FGFR1OP2: variants seen among roughly 807,000 people sequenced by gnomAD.
The protein encoded by FGFR1OP2 is fibroblast growth factor receptor 1 oncogene partner 2.
Under a neutral mutation model 35.2 loss-of-function variants are expected in FGFR1OP2, and 17 were observed. That is an observed-to-expected ratio of 0.48 (90% CI 0.33 to 0.73). The LOEUF (loss-of-function observed/expected upper bound fraction) is 0.73, where lower values mean the gene tolerates loss of function less well. Ranked by LOEUF, FGFR1OP2 falls within the 30% of genes least tolerant of loss-of-function variation. The pLI, the probability that FGFR1OP2 is intolerant of heterozygous loss-of-function variation, is 0.02. For missense variants in FGFR1OP2, 251 were observed against 307.3 expected (o/e 0.82, Z 1.37); for synonymous variants, 105 against 104.6 (o/e 1.00, Z -0.03).
intron 1 of FGFR1OP2, among the ~76,000 whole-genome samples, chr12:26,947,999 GATTT>G (rs1204217835): frequency 6.6e-6 from 1 of 151,874 alleles, no homozygotes. Flanking sequence ...TTATTTTAGG[GATTT>G]ATTAGGAATT....
At chr12:26,944,475 A>T (rs949191705) in intron 1 of FGFR1OP2, among the ~76,000 whole-genome samples, 1 of 152,200 alleles carries the variant, frequency 6.6e-6, no homozygotes, top group Non-Finnish European at 1.5e-5. Context: ...AGTATGCGGA[A>T]TTTTTTAATA....
intron 1 of FGFR1OP2, among the ~76,000 whole-genome samples, chr12:26,952,296 T>TG (rs149535379): frequency 0.076 from 11,565 of 152,156 alleles, 546 homozygotes; most frequent in East Asian, 0.13. Context: ...TACAGGGTAT[T>TG]GTTGGGCACT....
intron 4 of FGFR1OP2, 128 bp from the exon 5 acceptor site, chr12:26,960,387 T>C: frequency 2.0e-6 from 1 of 505,814 alleles, no homozygotes; most frequent in Non-Finnish European, 3.3e-6. Context: ...TTTGAACAGA[T>C]GCCTTTTTGG....
intron 4 of FGFR1OP2, among the ~76,000 whole-genome samples, chr12:26,959,505 G>C (rs1939072068): frequency 6.6e-6 from 1 of 152,124 alleles, no homozygotes. Flanking sequence ...AAAGTGCTTA[G>C]AATAGGATAA....
chr12:26,948,395 A>G (rs1938863160), intron 1 of FGFR1OP2, among the ~76,000 whole-genome samples: 1 of 152,182 alleles, frequency 6.6e-6, no homozygotes, highest in Non-Finnish European at 1.5e-5. Context: ...ACCTTCATAT[A>G]TGAAACATAT....
At chr12:26,941,185 C>T (rs1938728663) in intron 1 of FGFR1OP2, among the ~76,000 whole-genome samples, 1 of 151,764 alleles carries the variant, frequency 6.6e-6, no homozygotes, top group African/African-American at 2.4e-5. Context: ...GTATTATGGC[C>T]AGTTAAGGTA....
intron 5 of FGFR1OP2, chr12:26,962,152 A>G (rs1939113772): frequency 6.6e-6 from 1 of 152,176 alleles, no homozygotes; most frequent in South Asian, 2.1e-4. Flanking sequence ...AAATGTATTG[A>G]TTTTAATTAA....
At position 26,960,756 on chromosome 12, in the gene FGFR1OP2, G is replaced by A. The variant is rs572511818; in HGVS notation, c.510+128G>A. ...AAATGAAATTTATTAAAAGAATGTT[G>A]TGTCTTTAATAGCCATGCTGTTCAG... On this transcript the variant is annotated intron_variant, in intron 5 of 6. Coordinates refer to ENST00000229395, the MANE Select transcript of FGFR1OP2 (RefSeq NM_015633.3). 1.3e-4 allele frequency: 174 copies of A among 1,380,410 alleles called. No homozygotes were observed. In the African/African-American group the frequency reaches 2.4e-3, roughly 19 times the overall value. 85.5% of individuals were successfully genotyped at this position (1,380,410 alleles called of 1,614,324 possible).
Position 26,957,739 on chromosome 12 carries a change from C to T in FGFR1OP2, c.392C>T (p.Ser131Phe), listed in dbSNP as rs779885131. The change falls in exon 4 of 7, where the codon TCC becomes TTC. Residue 131 changes from serine (S) to phenylalanine (F), a missense_variant. By Grantham distance (155) the Ser-to-Phe change is radical (BLOSUM62 -2). Transcript: ENST00000229395. ...GIIMKLKEQH[S>F]KIDMVHRNKS... Reference sequence around the variant, plus strand: ...ATAATGAAGTTAAAAGAGCAGCACTCCAAGGTAATCCATTCTATAAATGTG... The same window carrying T: ...ATAATGAAGTTAAAAGAGCAGCACTTCAAGGTAATCCATTCTATAAATGTG... 1 of 1,609,810 alleles carries T rather than the reference C, an allele frequency of 6.2e-7. No homozygotes were observed. The highest frequency in any genetic ancestry group is 1.1e-5 in the South Asian group (1 of 90,478).
At chr12:26,959,867 A>G (rs566757948) in intron 4 of FGFR1OP2, among the ~76,000 whole-genome samples, 1 of 152,308 alleles carries the variant, frequency 6.6e-6, no homozygotes, top group African/African-American at 2.4e-5. Flanking sequence ...TGAATGTACA[A>G]GCTTGCAGTA....
At chr12:26,951,459 A>G (rs1938927671) in intron 1 of FGFR1OP2, among the ~76,000 whole-genome samples, 1 of 152,164 alleles carries the variant, frequency 6.6e-6, no homozygotes, top group Non-Finnish European at 1.5e-5. Context: ...AGCTGGTATC[A>G]CAGGTGTGTG....
chr12:26,954,101 T>C lies in FGFR1OP2; in HGVS notation c.-14-44T>C. On this transcript the variant is annotated intron_variant, in intron 1 of 6. Coordinates refer to ENST00000229395, the MANE Select transcript of FGFR1OP2 (RefSeq NM_015633.3). ...TTGACATGAAGCTAAAATAAAGAGA[T>C]ATGTTGACTTTATTTTGAGTCTTGA... The C allele has an allele frequency of 3.7e-6, 5 of 1,359,616 alleles. 1 individual carries two copies. The highest frequency in any genetic ancestry group is 2.9e-5 in the South Asian group (2 of 70,112). 84.2% of individuals were successfully genotyped at this position (1,359,616 alleles called of 1,614,324 possible).
At chr12:26,947,619 C>G (rs1290450927) in intron 1 of FGFR1OP2, among the ~76,000 whole-genome samples, 4 of 152,114 alleles carry the variant, frequency 2.6e-5, no homozygotes, top group Non-Finnish European at 5.9e-5. Flanking sequence ...TGGGCTCAAG[C>G]AATCCTCCGA....
chr12:26,956,529 TTC>T lies in FGFR1OP2; in HGVS notation c.136-11_136-10del. Reference sequence around the variant, plus strand: ...GCAGGTATTTTCATCCCACATGTTTTTCTCCCCCATTAGTATCAGGAAGAAAT... The same window carrying T: ...GCAGGTATTTTCATCCCACATGTTTTTCCCCCATTAGTATCAGGAAGAAAT... On this transcript the variant is annotated splice_polypyrimidine_tract_variant and intron_variant, in intron 2 of 6. Transcript: ENST00000229395. The T allele has an allele frequency of 7.4e-7, 1 of 1,351,348 alleles. No homozygotes were observed. Among genetic ancestry groups the T allele is most frequent in the Non-Finnish European group, 1.0e-6 (1 of 999,274 alleles). 83.7% of individuals were successfully genotyped at this position (1,351,348 alleles called of 1,614,324 possible).
intron 1 of FGFR1OP2, among the ~76,000 whole-genome samples, chr12:26,941,990 T>A (rs1281868512): frequency 6.6e-6 from 1 of 152,200 alleles, no homozygotes; most frequent in Non-Finnish European, 1.5e-5. Context: ...TTGGTACTAG[T>A]TTGGCTCTTT....
chr12:26,939,279 C>T (rs1938664231), intron 1 of FGFR1OP2, among the ~76,000 whole-genome samples: 1 of 151,986 alleles, frequency 6.6e-6, no homozygotes, highest in African/African-American at 2.4e-5. Flanking sequence ...CCCTCTGCCC[C>T]CCGCCCTCCA....
chr12:26,960,402 C>T (rs1285118945), intron 4 of FGFR1OP2, 113 bp from the exon 5 acceptor site: 4 of 618,952 alleles, frequency 6.5e-6, no homozygotes, highest in Non-Finnish European at 9.9e-6. Context: ...TTTTGGAAAT[C>T]TTAAAAAAGC....
intron 2 of FGFR1OP2, among the ~76,000 whole-genome samples, chr12:26,954,531 GA>G (rs1938989004): frequency 6.6e-6 from 1 of 152,140 alleles, no homozygotes; most frequent in Non-Finnish European, 1.5e-5. Flanking sequence ...TTTGAGTTTA[GA>G]AAATAAATGA....
chr12:26,965,109 T>C lies in FGFR1OP2; in HGVS notation c.*376T>C, dbSNP rs1428600833. 6.4e-6 allele frequency: 1 copy of C among 157,398 alleles called. No homozygotes were observed. Among genetic ancestry groups the C allele is most frequent in the African/African-American group, 2.4e-5 (1 of 41,592 alleles). 9.8% of individuals were successfully genotyped at this position (157,398 alleles called of 1,614,324 possible). Reference sequence around the variant, plus strand: ...TTAAAAATATAAATTTTTGCCACTGTTTTGTGAACGGAGGATTTGTACGCT... The same window carrying C: ...TTAAAAATATAAATTTTTGCCACTGCTTTGTGAACGGAGGATTTGTACGCT... On this transcript the variant is annotated 3_prime_UTR_variant, in exon 7 of 7. Transcript: ENST00000229395.
Sources: allele counts gnomAD v4.1 joint callset (sites outside exome capture counted in the v4.1 genomes callset), GRCh38; gene constraint gnomAD v4.1.1; transcripts MANE v1.5; gene names NCBI Gene and HGNC (gene_info 2026-07-23, HGNC 2026-07-21).